BGN: variants seen among roughly 807,000 people sequenced by gnomAD.
BGN encodes bone/cartilage proteoglycan-I.
Under a neutral mutation model 20.0 loss-of-function variants are expected in BGN, and 6 were observed. The ratio of observed to expected loss-of-function variants is 0.30; its 90% confidence interval spans 0.16 to 0.59. The LOEUF is 0.59. BGN is among the 20% of genes least tolerant of loss of function. BGN has a pLI of 0.88. For missense variants in BGN, 292 were observed against 312.1 expected (o/e 0.94, Z 0.49); for synonymous variants, 146 against 134.6 (o/e 1.08, Z -0.59).
chrX:153,507,259 C>T lies in BGN; in HGVS notation c.909+74C>T, dbSNP rs1364122906. Reference sequence around the variant, plus strand: ...AGGCGTGTGTGTCCCCGGGCAGTCCCTCAGTCCCCTGGCCCTCCTTCCCGA... The same window carrying T: ...AGGCGTGTGTGTCCCCGGGCAGTCCTTCAGTCCCCTGGCCCTCCTTCCCGA... On this transcript the variant is annotated intron_variant, in intron 7 of 7. Transcript: ENST00000331595. 3.6e-6 allele frequency: 4 copies of T among 1,101,115 alleles called. No homozygotes were observed. The African/African-American group carries it at 5.5e-5, about 15-fold the overall frequency. 90.7% of individuals were successfully genotyped at this position (1,101,115 alleles called of 1,213,427 possible). A position where few individuals can be genotyped will look rare whatever the true frequency, so the allele number is the denominator to read the frequency against.
chrX:153,507,286 C>G, intron 7 of BGN, 101 bp downstream of exon 7: 1 of 1,025,412 alleles, frequency 9.8e-7, no homozygotes, highest in Non-Finnish European at 1.3e-6. Context: ...CCTTCCCGAC[C>G]GGCTCTGGGC....
intron 1 of BGN, among the ~76,000 whole-genome samples, chrX:153,495,793 T>C (rs1319684539): frequency 1.8e-5 from 2 of 113,303 alleles, no homozygotes; most frequent in Admixed American, 9.2e-5. Flanking sequence ...GTCTGGGTCC[T>C]GGGAGCCCTG....
intron 1 of BGN, among the ~76,000 whole-genome samples, chrX:153,502,436 T>C (rs1410031722): frequency 1.8e-5 from 2 of 111,934 alleles, no homozygotes; most frequent in African/African-American, 6.5e-5. Context: ...CCCTTCCTGT[T>C]CTCTCCCACT....
At position 153,506,714 on chromosome X, in the gene BGN, G is replaced by A. The variant is rs143557959; in HGVS notation, c.676+75G>A. 2.5e-3 allele frequency: 2,815 copies of A among 1,139,787 alleles called. 35 individuals are homozygous for A. The African/African-American group carries it at 0.044, about 18-fold the overall frequency. 93.9% of individuals were successfully genotyped at this position (1,139,787 alleles called of 1,213,427 possible). ...ACAGATGGCCAGGGTGGGGGCTCTGGATGGGCCCGATCTACTCAGGGAAAG... is the reference window on the plus strand; with the variant it reads ...ACAGATGGCCAGGGTGGGGGCTCTGAATGGGCCCGATCTACTCAGGGAAAG... On this transcript the variant is annotated intron_variant, in intron 5 of 7. Transcript: ENST00000331595.
rs782268995 is a variant in BGN, at chrX:153,505,350, C to T, written c.351C>T (p.Tyr117=). 2.5e-6 allele frequency: 3 copies of T among 1,199,004 alleles called. No individual in the cohort carries two copies. Among genetic ancestry groups the T allele is most frequent in the East Asian group, 3.0e-5 (1 of 33,581 alleles). ...ACTTCAAGGGTCTCCAGCACCTCTA[C>T]GTAAGGAGCTGGGAGGAACCAGCAG... ...KDDFKGLQHL[Y]ALVLVNNKIS... is the part of the protein sequence containing the mutation. The change falls in exon 3 of 8, where the codon TAC becomes TAT. Residue 117 remains tyrosine (Y), a splice_region_variant and synonymous_variant. Coordinates refer to ENST00000331595, the MANE Select transcript of BGN (RefSeq NM_001711.6).
At chrX:153,503,406 C>T (rs1556992303) in intron 1 of BGN, among the ~76,000 whole-genome samples, 1 of 112,277 alleles carries the variant, frequency 8.9e-6, no homozygotes, top group Non-Finnish European at 1.9e-5. Flanking sequence ...CCCTGCTGCC[C>T]AGCTGGGCTC....
intron 1 of BGN, among the ~76,000 whole-genome samples, chrX:153,503,761 C>T (rs1052165906): frequency 2.4e-4 from 27 of 111,757 alleles, no homozygotes; most frequent in Non-Finnish European, 4.9e-4. Context: ...GCCACCCTGG[C>T]GGCAGCCTGC....
In BGN at chrX:153,507,048, C is replaced by G; in HGVS notation, c.772C>G (p.Leu258Val). ...DLLRYSKLYR[L>V]GLGHNQIRMI... ...TCCGTGTCATTCTCCCGCTCACAGG[C>G]TGGGCCTAGGCCACAACCAGATCAG... The change falls in exon 7 of 8, where the codon CTG becomes GTG. Residue 258 changes from leucine (L) to valine (V), a missense_variant and splice_region_variant. Coordinates refer to ENST00000331595, the MANE Select transcript of BGN (RefSeq NM_001711.6). 8.3e-7 allele frequency: 1 copy of G among 1,210,576 alleles called. No individual in the cohort carries two copies. Among genetic ancestry groups the G allele is most frequent in the South Asian group, 1.8e-5 (1 of 56,859 alleles).
chrX:153,505,599 C>T (rs1556992909), intron 3 of BGN, among the ~76,000 whole-genome samples: 1 of 112,114 alleles, frequency 8.9e-6, no homozygotes, highest in Non-Finnish European at 1.9e-5. Flanking sequence ...ATCACGTCCA[C>T]TCCTCCCAGC....
intron 1 of BGN, among the ~76,000 whole-genome samples, chrX:153,503,190 A>G (rs1364015768): frequency 2.7e-5 from 3 of 112,768 alleles, no homozygotes; most frequent in African/African-American, 9.6e-5. Context: ...CTGGGGAAGC[A>G]TCGGGCAGGG....
In BGN at chrX:153,508,327, C is replaced by A. The variant is rs200168210; in HGVS notation, c.989C>A (p.Ala330Asp). The A allele has an allele frequency of 8.3e-6, 10 of 1,210,894 alleles. No homozygotes were observed. In the East Asian group the frequency reaches 2.7e-4, roughly 32 times the overall value. Reference protein sequence around the residue: ...FCPMGFGVKRAYYNGISLFNN... With the variant: ...FCPMGFGVKRDYYNGISLFNN... ...CCCATGGGCTTCGGGGTGAAGCGGG[C>A]CTACTACAACGGCATCAGCCTCTTC... Residue 330 changes from alanine (A) to aspartate (D), a missense_variant, in exon 8 of 8, where the codon GCC (alanine) becomes GAC (aspartate). Ala to Asp is a moderately radical substitution (Grantham distance 126, BLOSUM62 -2). Coordinates refer to ENST00000331595, the MANE Select transcript of BGN (RefSeq NM_001711.6).
At chrX:153,508,125 C>A in intron 7 of BGN, 123 bp from the exon 8 acceptor site, 1 of 759,363 alleles carries the variant, frequency 1.3e-6, no homozygotes, top group Non-Finnish European at 2.0e-6. Context: ...CTCCCAACAA[C>A]GGGGAGCCTC....
intron 2 of BGN, 147 bp downstream of exon 2, chrX:153,505,016 G>A (rs1461220757): frequency 2.9e-6 from 2 of 690,100 alleles, no homozygotes; most frequent in Non-Finnish European, 4.3e-6. Flanking sequence ...CTGGCTGTGA[G>A]CTGTGCAGTT....
chrX:153,497,788 A>T (rs1556991073), intron 1 of BGN, among the ~76,000 whole-genome samples: 1 of 111,052 alleles, frequency 9.0e-6, no homozygotes, highest in African/African-American at 3.3e-5. Context: ...AGGCCAGAAG[A>T]TCCCCTCCAC....
chrX:153,500,855 A>ATGTGCATGTATGTGTATAGATG (rs1211536306), intron 1 of BGN, among the ~76,000 whole-genome samples: 2 of 109,591 alleles, frequency 1.8e-5, no homozygotes, highest in Non-Finnish European at 3.8e-5. Context: ...GTGGATGTAC[A>ATGTGCATGTATGTGTATAGATG]TGTGCATGTA....
intron 1 of BGN, among the ~76,000 whole-genome samples, chrX:153,498,871 C>G (rs781821784): frequency 2.8e-4 from 32 of 112,471 alleles, no homozygotes; most frequent in African/African-American, 9.7e-4. Context: ...CCATAGGGAG[C>G]TACTGATGGT....
intron 1 of BGN, among the ~76,000 whole-genome samples, chrX:153,498,356 C>T (rs1556991180): frequency 8.9e-6 from 1 of 112,719 alleles, no homozygotes; most frequent in Non-Finnish European, 1.9e-5. Flanking sequence ...GATTAGAAGG[C>T]AGCCCTGTCC....
At chrX:153,496,773 A>G (rs2124211263) in intron 1 of BGN, among the ~76,000 whole-genome samples, 1 of 111,898 alleles carries the variant, frequency 8.9e-6, no homozygotes, top group South Asian at 3.8e-4. Flanking sequence ...CACTCAAACA[A>G]AGCTATAGCG....
chrX:153,505,265 C>T lies in BGN; in HGVS notation c.266C>T (p.Ser89Phe). The T allele has an allele frequency of 8.3e-7, 1 of 1,209,337 alleles. No individual in the cohort carries two copies. The highest frequency in any genetic ancestry group is 2.2e-5 in the Admixed American group (1 of 45,968). ...CTGAAGTCTGTGCCCAAAGAGATCT[C>T]CCCTGACACCACGCTGCTGGACCTG... The part of the protein sequence containing the change: ...LGLKSVPKEI[S>F]PDTTLLDLQN... The change falls in exon 3 of 8, where the codon TCC becomes TTC. Residue 89 changes from serine to phenylalanine, a missense_variant. Ser to Phe is a radical substitution (Grantham distance 155). Coordinates refer to ENST00000331595, the MANE Select transcript of BGN (RefSeq NM_001711.6).
Sources: gnomAD v4.1 joint callset for allele counts (sites outside exome capture counted in the v4.1 genomes callset) on GRCh38, gnomAD v4.1.1 for gene constraint, MANE v1.5 for transcripts, NCBI Gene and HGNC (gene_info 2026-07-23, HGNC 2026-07-21) for gene names.